MORN4: variants seen among roughly 807,000 people sequenced by gnomAD.
MORN4 encodes MORN repeat containing 4.
MORN4 carries 8 observed loss-of-function variants against 16.4 expected under a neutral mutation model. The ratio of observed to expected loss-of-function variants is 0.49; its 90% CI spans 0.29 to 0.88. The LOEUF (loss-of-function observed/expected upper bound fraction) is 0.88, where lower values mean the gene tolerates loss of function less well. MORN4 is among the 40% of genes least tolerant of loss of function. The pLI is 0.09. For missense variants in MORN4, 159 were observed against 182.9 expected (o/e 0.87, Z 0.75); for synonymous variants, 53 against 68.9 (o/e 0.77, Z 1.14).
chr10:97,620,496 AAAAAAAAAAAAG>A (rs948254627), intron 1 of MORN4, among the ~76,000 whole-genome samples: 17 of 147,078 alleles, frequency 1.2e-4, no homozygotes, highest in Non-Finnish European at 2.1e-4. Context: ...CTCAAAAAAA[AAAAAAAAAAAAG>A]AAAAAAAAAA....
intron 1 of MORN4, among the ~76,000 whole-genome samples, chr10:97,625,419 T>A (rs117498333): frequency 6.6e-6 from 1 of 152,206 alleles, no homozygotes; most frequent in Admixed American, 6.6e-5. Context: ...AAATTAAATA[T>A]CTGAGAGTCA....
chr10:97,622,601 G>A lies in MORN4; in HGVS notation c.-30-2918C>T, dbSNP rs186304405. The stretch of plus-strand genomic sequence containing the variant: ...TCCCAGCTACTTGGGAGGCTGAGGT[G>A]GAAGGATCGCTTGAACCCAGGAGGC... On this transcript the variant is annotated intron_variant, in intron 1 of 4. Transcript: ENST00000307450. Among the ~76,000 whole-genome samples the A allele has an allele frequency of 2.0e-5, 3 of 150,978 alleles. No homozygotes were observed. The Admixed American group carries it at 2.0e-4, about 10-fold the overall frequency.
chr10:97,616,832 TC>T, intron 3 of MORN4, 45 bp from the exon 4 acceptor site: 1 of 1,372,086 alleles, frequency 7.3e-7, no homozygotes, highest in Non-Finnish European at 1.0e-6. Flanking sequence ...AAGTTAGCTG[TC>T]CAGATGAACG....
chr10:97,621,606 G>T (rs1018621295), intron 1 of MORN4, among the ~76,000 whole-genome samples: 1 of 152,222 alleles, frequency 6.6e-6, no homozygotes, highest in Admixed American at 6.5e-5. Flanking sequence ...TTGGCCGGGT[G>T]CGGTGGCTCA....
At position 97,615,048 on chromosome 10, in the gene MORN4, T is replaced by C. The variant is rs1186387186; in HGVS notation, c.*1215A>G. 1 of 152,112 alleles carries C rather than the reference T, an allele frequency of 6.6e-6. No individual in the cohort carries two copies. The highest frequency in any genetic ancestry group is 1.5e-5 in the Non-Finnish European group (1 of 67,674). The allele number at this position is 152,112 out of a possible 1,614,324, so 9.4% of individuals were successfully genotyped here. ...GTAATAAGATTACTGTTTACATGAG[T>C]TTTTTTCTTGATTGTCCCAAAAAGG... On this transcript the variant is annotated 3_prime_UTR_variant, in exon 5 of 5. Coordinates refer to ENST00000307450, the MANE Select transcript of MORN4 (RefSeq NM_178832.4).
chr10:97,633,739 T>G (rs979372278), upstream of MORN4, among the ~76,000 whole-genome samples: 1 of 152,174 alleles, frequency 6.6e-6, no homozygotes, highest in Non-Finnish European at 1.5e-5. The surrounding 1 kb of genome is among the most constrained non-coding windows in gnomAD (Gnocchi z 4.5). Context: ...AAACCAAACC[T>G]GCGCCCGAAG....
intron 1 of MORN4, among the ~76,000 whole-genome samples, chr10:97,620,316 C>T (rs754405588): frequency 2.6e-5 from 4 of 151,142 alleles, no homozygotes; most frequent in Non-Finnish European, 5.9e-5. Context: ...GGTGAGACCC[C>T]GTCTCTACTA....
rs766993781 is a variant in MORN4, at chr10:97,617,164, C to T, written c.182+44G>A. 4.8e-6 allele frequency: 7 copies of T among 1,472,306 alleles called. No individual in the cohort carries two copies. In the East Asian group the frequency reaches 1.6e-4, roughly 33 times the overall value. The allele number at this position is 1,472,306 out of a possible 1,614,324, so 91.2% of individuals were successfully genotyped here. A position where few individuals can be genotyped will look rare whatever the true frequency, so the allele number is the denominator to read the frequency against. ...ACCAGAGTCCCATTTTTCTGTCAGA[C>T]CCTCCCTTATTTAAGGCTAAGAAAG... is the stretch of plus-strand genomic sequence containing the variant. On this transcript the variant is annotated intron_variant, in intron 3 of 4. Coordinates refer to ENST00000307450, the MANE Select transcript of MORN4 (RefSeq NM_178832.4).
At chr10:97,626,628 G>A (rs1386276026) in intron 1 of MORN4, among the ~76,000 whole-genome samples, 10 of 151,260 alleles carry the variant, frequency 6.6e-5, no homozygotes, top group Admixed American at 1.3e-4. Flanking sequence ...GCTAATTTTT[G>A]TATTTTTAGT....
chr10:97,630,494 C>A (rs796945799), intron 1 of MORN4, among the ~76,000 whole-genome samples: 13 of 152,344 alleles, frequency 8.5e-5, no homozygotes, highest in African/African-American at 3.1e-4. Flanking sequence ...GTACATACTA[C>A]AAACTTCCAT....
chr10:97,620,031 T>TCTAGTTAATAAGA (rs1462930128), intron 1 of MORN4, among the ~76,000 whole-genome samples: 2 of 152,138 alleles, frequency 1.3e-5, no homozygotes, highest in African/African-American at 4.8e-5. Flanking sequence ...GAGTTTATAA[T>TCTAGTTAATAAGA]CTAGTTAATA....
At chr10:97,617,060 A>G (rs2041242151) in intron 3 of MORN4, 148 bp downstream of exon 3, 1 of 690,646 alleles carries the variant, frequency 1.4e-6, no homozygotes, top group Non-Finnish European at 2.5e-6. Flanking sequence ...CCACTTAAAA[A>G]ATAGCTAATA....
upstream of MORN4, chr10:97,633,620 GCTGA>G (rs1325811407): frequency 5.4e-6 from 7 of 1,287,520 alleles, no homozygotes; most frequent in Admixed American, 2.3e-5. This position sits in a 1 kb window ranked among gnomAD's most constrained non-coding sequence, Gnocchi z 4.5. Flanking sequence ...GCGAACCCGG[GCTGA>G]CTATGTGAAA....
intron 1 of MORN4, among the ~76,000 whole-genome samples, chr10:97,630,846 T>A (rs2041389843): frequency 6.6e-6 from 1 of 152,168 alleles, no homozygotes; most frequent in Admixed American, 6.5e-5. Context: ...CGATGAAGAC[T>A]GAAAGCCCAA....
intron 1 of MORN4, 52 bp from the exon 2 acceptor site, chr10:97,619,735 G>C: frequency 7.0e-7 from 1 of 1,418,482 alleles, no homozygotes; most frequent in South Asian, 1.2e-5. Flanking sequence ...CGGGAGGAAA[G>C]GACTGCAAGG....
At chr10:97,622,693 C>CAAAAAAAA (rs1322656539) in intron 1 of MORN4, among the ~76,000 whole-genome samples, 5,073 of 55,436 alleles carry the variant, frequency 0.092, 662 homozygotes, top group African/African-American at 0.26. Context: ...GACCCTGTCT[C>CAAAAAAAA]AAAAAAAAAA....
chr10:97,617,735 C>G (rs1196445127), intron 2 of MORN4, among the ~76,000 whole-genome samples: 3 of 152,084 alleles, frequency 2.0e-5, no homozygotes, highest in Non-Finnish European at 2.9e-5. Context: ...TGGCGCCTGC[C>G]TGTGGTCCCA....
chr10:97,633,706 A>G (rs1304767870), upstream of MORN4: 2 of 1,169,362 alleles, frequency 1.7e-6, no homozygotes, highest in Non-Finnish European at 2.2e-6. The surrounding 1 kb of genome is among the most constrained non-coding windows in gnomAD (Gnocchi z 4.5). Flanking sequence ...GAGGCCGTCT[A>G]GTTGAAATGG....
chr10:97,621,542 T>G (rs986805308), intron 1 of MORN4, among the ~76,000 whole-genome samples: 2 of 152,190 alleles, frequency 1.3e-5, no homozygotes, highest in Non-Finnish European at 2.9e-5. Flanking sequence ...TTATTCTCCC[T>G]CCGTTCATGA....
Sources: allele counts gnomAD v4.1 joint callset (sites outside exome capture counted in the v4.1 genomes callset), GRCh38; gene constraint gnomAD v4.1.1; non-coding constraint Gnocchi (gnomAD v3.1); transcripts MANE v1.5; gene names NCBI Gene and HGNC (gene_info 2026-07-23, HGNC 2026-07-21).